The following TTC28 variants were observed in gnomAD, a reference collection of about 807,000 sequenced individuals.
TTC28 encodes tetratricopeptide repeat domain 28.
In TTC28, 61 loss-of-function variants were observed where a neutral mutation model predicts 198.0. The observed-to-expected ratio is 0.31, with a 90% CI of 0.25 to 0.38. The LOEUF (loss-of-function observed/expected upper bound fraction) is 0.38, where lower values mean the gene tolerates loss of function less well. Among genes scored for constraint, TTC28 ranks in the 10% least tolerant of loss-of-function variants. TTC28 has a pLI of 1.00. For missense variants in TTC28, 2,678 were observed against 3,164.0 expected (o/e 0.85, Z 3.69); for synonymous variants, 1,171 against 1,297.8 (o/e 0.90, Z 2.10).
chr22:28,344,835 G>T (rs1162647371), intron 2 of TTC28, among the ~76,000 whole-genome samples: 1 of 152,164 alleles, frequency 6.6e-6, no homozygotes, highest in Non-Finnish European at 1.5e-5. Flanking sequence ...TTAATAAGGA[G>T]TGAAAGAGGA....
At chr22:28,037,083 G>C (rs1939389396) in intron 12 of TTC28, among the ~76,000 whole-genome samples, 1 of 152,120 alleles carries the variant, frequency 6.6e-6, no homozygotes, top group Admixed American at 6.5e-5. Flanking sequence ...AATTCTACCA[G>C]AGGCATAAGG....
At chr22:28,253,426 T>C (rs1930667180) in intron 5 of TTC28, among the ~76,000 whole-genome samples, 1 of 152,238 alleles carries the variant, frequency 6.6e-6, no homozygotes, top group South Asian at 2.1e-4. Context: ...TGCAATGCAC[T>C]AGCTTATTTT....
Position 27,999,337 on chromosome 22 carries a change from A to G in TTC28, c.4399-77T>C, listed in dbSNP as rs188666210. 3.0e-5 allele frequency: 44 copies of G among 1,469,536 alleles called. No homozygotes were observed. In the African/African-American group the frequency reaches 6.0e-4, roughly 20 times the overall value. 91.0% of individuals were successfully genotyped at this position (1,469,536 alleles called of 1,614,324 possible). A position where few individuals can be genotyped will look rare whatever the true frequency, so the allele number is the denominator to read the frequency against. On this transcript the variant is annotated intron_variant, in intron 15 of 22. Transcript: ENST00000397906. Reference sequence around the variant, plus strand: ...TGCCCGGCAGTGGTCGGCCGAGCACAGGGACGGCCAGCTCTCTGCTGGTTG... The same window carrying G: ...TGCCCGGCAGTGGTCGGCCGAGCACGGGGACGGCCAGCTCTCTGCTGGTTG...
intron 14 of TTC28, among the ~76,000 whole-genome samples, chr22:28,004,673 C>T (rs79624583): frequency 0.021 from 3,227 of 152,218 alleles, 40 homozygotes; most frequent in Non-Finnish European, 0.029. Context: ...TGTGGGGAGA[C>T]GGGTAGAACA....
intron 5 of TTC28, among the ~76,000 whole-genome samples, chr22:28,170,980 CTTTT>C (rs76585422): frequency 7.5e-6 from 1 of 132,800 alleles, no homozygotes; most frequent in Admixed American, 7.6e-5. Flanking sequence ...GCCACTCATT[CTTTT>C]TTTTTTTTTT....
chr22:28,419,302 G>C (rs1472371888), intron 2 of TTC28, among the ~76,000 whole-genome samples: 1 of 152,086 alleles, frequency 6.6e-6, no homozygotes, highest in Non-Finnish European at 1.5e-5. Flanking sequence ...CCTCAAGCAG[G>C]AATTGTTCCC....
At chr22:27,998,309 T>C in intron 16 of TTC28, 1 of 689,980 alleles carries the variant, frequency 1.4e-6, no homozygotes, top group Non-Finnish European at 2.4e-6. Context: ...TTCACATTCA[T>C]ACACTCATGG....
At chr22:28,266,166 C>T (rs750049697) in intron 5 of TTC28, among the ~76,000 whole-genome samples, 75 of 146,344 alleles carry the variant, frequency 5.1e-4, no homozygotes, top group Non-Finnish European at 9.7e-4. Flanking sequence ...GGCAACAGAG[C>T]GAGACTCTGT....
At chr22:28,022,412 C>T (rs1452395760) in intron 13 of TTC28, among the ~76,000 whole-genome samples, 1 of 152,256 alleles carries the variant, frequency 6.6e-6, no homozygotes, top group East Asian at 1.9e-4. Context: ...CTCAGGATGT[C>T]TTTATTGCGC....
intron 2 of TTC28, among the ~76,000 whole-genome samples, chr22:28,527,647 T>C (rs908038476): frequency 4.6e-5 from 7 of 152,136 alleles, no homozygotes; most frequent in Admixed American, 3.9e-4. Context: ...ATACTAAATA[T>C]TTTTTTGAGA....
intron 2 of TTC28, among the ~76,000 whole-genome samples, chr22:28,424,335 T>A (rs2047311974): frequency 6.6e-6 from 1 of 152,162 alleles, no homozygotes; most frequent in Admixed American, 6.5e-5. Flanking sequence ...CTCCTCTCCA[T>A]GGGGCAAATT....
intron 2 of TTC28, among the ~76,000 whole-genome samples, chr22:28,502,617 C>T (rs2048552581): frequency 6.6e-6 from 1 of 151,746 alleles, no homozygotes; most frequent in Non-Finnish European, 1.5e-5. Flanking sequence ...CACTGCACTC[C>T]AGCCTGGGTG....
intron 2 of TTC28, among the ~76,000 whole-genome samples, chr22:28,479,611 A>T (rs1455072511): frequency 6.6e-6 from 1 of 152,198 alleles, no homozygotes; most frequent in African/African-American, 2.4e-5. Context: ...AGAGCTGATT[A>T]ATCATAATTA....
intron 1 of TTC28, among the ~76,000 whole-genome samples, chr22:28,630,541 A>G (rs759159681): frequency 1.3e-5 from 2 of 152,152 alleles, no homozygotes; most frequent in Non-Finnish European, 2.9e-5. Context: ...ATTTTGAACT[A>G]CTAGCCTCAA....
chr22:28,308,369 A>G (rs191528800), intron 2 of TTC28, among the ~76,000 whole-genome samples: 27 of 152,322 alleles, frequency 1.8e-4, no homozygotes, highest in Admixed American at 1.6e-3. Flanking sequence ...CTAAAAATAT[A>G]CATATTTATG....
intron 2 of TTC28, among the ~76,000 whole-genome samples, chr22:28,460,441 AT>A (rs145274870): frequency 6.6e-6 from 1 of 151,788 alleles, no homozygotes; most frequent in Admixed American, 6.6e-5. Flanking sequence ...ATGCATATAC[AT>A]TTTTTTCCAA....
At position 28,260,664 on chromosome 22, in the gene TTC28, G is replaced by A. The variant is rs145299643; in HGVS notation, c.933+35534C>T. On this transcript the variant is annotated intron_variant, in intron 5 of 22. Transcript: ENST00000397906. ...ACAAACAACAGCAATAAAACCTTTC[G>A]CTAGAAAAACAGCATCACCAAAATT... Among the ~76,000 whole-genome samples, 247 of 152,188 alleles carry A rather than the reference G, an allele frequency of 1.6e-3. 1 individual carries two copies. The highest frequency in any genetic ancestry group is 5.8e-3 in the African/African-American group (239 of 41,550).
intron 2 of TTC28, among the ~76,000 whole-genome samples, chr22:28,367,408 C>T (rs1353802523): frequency 1.3e-5 from 2 of 151,800 alleles, no homozygotes; most frequent in African/African-American, 2.4e-5. Context: ...GCAAACATAA[C>T]ATATCAAAAC....
At chr22:28,479,005 G>T (rs778822456) in intron 2 of TTC28, among the ~76,000 whole-genome samples, 4 of 152,122 alleles carry the variant, frequency 2.6e-5, no homozygotes, top group Non-Finnish European at 5.9e-5. Flanking sequence ...CATTTGAGCA[G>T]GGGCCTATCT....
Sources: gnomAD v4.1 joint callset for allele counts (sites outside exome capture counted in the v4.1 genomes callset) on GRCh38, gnomAD v4.1.1 for gene constraint, MANE v1.5 for transcripts, NCBI Gene and HGNC (gene_info 2026-07-23, HGNC 2026-07-21) for gene names.